The following RHOJ variants were observed in gnomAD, a reference collection of about 807,000 sequenced individuals.
The protein encoded by RHOJ is ras homolog family member J, also known as rho-related GTP-binding protein RhoJ.
A neutral mutation model predicts 23.4 loss-of-function variants in RHOJ; 11 were observed. The ratio of observed to expected loss-of-function variants is 0.47; its 90% CI spans 0.30 to 0.78. RHOJ has a LOEUF of 0.78. Among genes scored for constraint, RHOJ ranks in the 30% least tolerant of loss-of-function variants. The probability of loss-of-function intolerance (pLI) is 0.08; values close to 1 mark genes in which losing one functional copy is unlikely to be tolerated. For synonymous variants in RHOJ, 102 were observed against 102.7 expected (o/e 0.99, Z 0.04); for missense variants, 254 against 273.4 (o/e 0.93, Z 0.50).
At chr14:63,286,110 G>C (rs979138892) in intron 4 of RHOJ, among the ~76,000 whole-genome samples, 1 of 152,176 alleles carries the variant, frequency 6.6e-6, no homozygotes, top group Non-Finnish European at 1.5e-5. Context: ...TCAATGTTCA[G>C]TCACGTTAAT....
chr14:63,215,881 T>C (rs1354044857), intron 1 of RHOJ, among the ~76,000 whole-genome samples: 1 of 152,152 alleles, frequency 6.6e-6, no homozygotes, highest in Non-Finnish European at 1.5e-5. Flanking sequence ...GCCTACAACA[T>C]AATAGCCACC....
At chr14:63,288,631 T>A (rs1289855601) in intron 4 of RHOJ, among the ~76,000 whole-genome samples, 1 of 152,238 alleles carries the variant, frequency 6.6e-6, no homozygotes, top group African/African-American at 2.4e-5. Flanking sequence ...TGTATCTAAC[T>A]GTTTTTAATT....
chr14:63,252,188 T>C (rs1002229580), intron 1 of RHOJ, among the ~76,000 whole-genome samples: 2 of 152,218 alleles, frequency 1.3e-5, no homozygotes, highest in African/African-American at 4.8e-5. Flanking sequence ...AATTCATTCC[T>C]TGCCTTTCCC....
At chr14:63,242,037 T>C (rs923701889) in intron 1 of RHOJ, among the ~76,000 whole-genome samples, 5 of 152,222 alleles carry the variant, frequency 3.3e-5, no homozygotes, top group Middle Eastern at 3.2e-3. Context: ...ACAAAATGTC[T>C]TTGAAAGTCC....
intron 2 of RHOJ, among the ~76,000 whole-genome samples, chr14:63,279,804 G>A (rs1459626520): frequency 6.6e-6 from 1 of 152,016 alleles, no homozygotes; most frequent in Non-Finnish European, 1.5e-5. Context: ...GTCAAATTTG[G>A]CAATAACTCT....
intron 1 of RHOJ, among the ~76,000 whole-genome samples, chr14:63,263,236 T>A (rs1222295242): frequency 6.6e-6 from 1 of 152,192 alleles, no homozygotes; most frequent in Admixed American, 6.5e-5. Context: ...CTATCTGACT[T>A]GAAAGATCCT....
rs138613612 is a variant in RHOJ at position 63,239,584 on chromosome 14, T to C, written c.179-29526T>C. Among the ~76,000 whole-genome samples the C allele has an allele frequency of 1.2e-3, 183 of 152,324 alleles. 1 individual carries two copies. Among genetic ancestry groups the C allele is most frequent in the Non-Finnish European group, 2.0e-3 (137 of 68,034 alleles). On this transcript the variant is annotated intron_variant, in intron 1 of 4. Transcript: ENST00000316754. ...ATGGACTCCTTTGAAAAAATTACAA[T>C]GGATTCAAATTGTTGCTGAAAGTTG...
intron 1 of RHOJ, among the ~76,000 whole-genome samples, chr14:63,267,980 A>G (rs1257712468): frequency 6.6e-6 from 1 of 152,242 alleles, no homozygotes; most frequent in African/African-American, 2.4e-5. Flanking sequence ...TGAACCTGAA[A>G]AGAAATAAAA....
chr14:63,234,126 T>A (rs533537477), intron 1 of RHOJ, among the ~76,000 whole-genome samples: 1 of 152,214 alleles, frequency 6.6e-6, no homozygotes, highest in Non-Finnish European at 1.5e-5. Context: ...CAACTCAAAC[T>A]TTACCTCCTT....
chr14:63,272,216 T>A (rs567665158), intron 2 of RHOJ, among the ~76,000 whole-genome samples: 1 of 152,362 alleles, frequency 6.6e-6, no homozygotes, highest in South Asian at 2.1e-4. Flanking sequence ...AATTCAGCTA[T>A]TAAGACTTTG....
chr14:63,222,069 C>T (rs138357847), intron 1 of RHOJ, among the ~76,000 whole-genome samples: 1,756 of 148,512 alleles, frequency 0.012, 34 homozygotes, highest in African/African-American at 0.041. Context: ...TGAGAACATG[C>T]GGTGTTTGGT....
chr14:63,226,753 G>A (rs761630536), intron 1 of RHOJ, among the ~76,000 whole-genome samples: 36 of 151,716 alleles, frequency 2.4e-4, no homozygotes, highest in Non-Finnish European at 4.6e-4. Context: ...GAAAATTTTT[G>A]CTAGGATAAT....
chr14:63,237,836 T>G (rs988126484), intron 1 of RHOJ, among the ~76,000 whole-genome samples: 8 of 152,356 alleles, frequency 5.3e-5, no homozygotes, highest in Middle Eastern at 3.4e-3. Context: ...CTGGTCTTGT[T>G]ATCACAGCAC....
chr14:63,229,421 CAAA>C (rs1894651085), intron 1 of RHOJ, among the ~76,000 whole-genome samples: 1 of 152,052 alleles, frequency 6.6e-6, no homozygotes, highest in Admixed American at 6.5e-5. Flanking sequence ...ATCATAAGGT[CAAA>C]ATCAAATTGG....
intron 1 of RHOJ, among the ~76,000 whole-genome samples, chr14:63,265,657 C>T (rs1434347383): frequency 1.3e-5 from 2 of 152,206 alleles, no homozygotes; most frequent in Non-Finnish European, 2.9e-5. Flanking sequence ...CATGACACAG[C>T]CCCAGGAGGT....
chr14:63,259,195 TA>T (rs1287375770), intron 1 of RHOJ, among the ~76,000 whole-genome samples: 1 of 152,140 alleles, frequency 6.6e-6, no homozygotes. Flanking sequence ...TCCTCAGCCT[TA>T]AATGCTTTTA....
chr14:63,249,972 C>G (rs1388081512), intron 1 of RHOJ, among the ~76,000 whole-genome samples: 2 of 152,168 alleles, frequency 1.3e-5, no homozygotes, highest in African/African-American at 4.8e-5. Context: ...AGTTAGGAAA[C>G]AGTTAAAGTT....
chr14:63,228,324 C>T (rs966335931), intron 1 of RHOJ, among the ~76,000 whole-genome samples: 2 of 152,184 alleles, frequency 1.3e-5, no homozygotes, highest in African/African-American at 4.8e-5. Flanking sequence ...ACTCTTTTGA[C>T]CCAACAATCC....
chr14:63,250,531 C>T (rs925518656), intron 1 of RHOJ, among the ~76,000 whole-genome samples: 33 of 152,258 alleles, frequency 2.2e-4, no homozygotes, highest in African/African-American at 7.9e-4. Context: ...TGAGCTACTG[C>T]GCCTGGCCTC....
Sources: gnomAD v4.1 joint callset for allele counts (sites outside exome capture counted in the v4.1 genomes callset) on GRCh38, gnomAD v4.1.1 for gene constraint, MANE v1.5 for transcripts, NCBI Gene and HGNC (gene_info 2026-07-23, HGNC 2026-07-21) for gene names.